Variants in SLC22A3 observed in about 807,000 individuals in gnomAD.
SLC22A3 encodes solute carrier family 22 member 3, also known as EMT organic cation transporter 3.
A neutral mutation model predicts 59.1 loss-of-function variants in SLC22A3; 51 were observed. That is an observed-to-expected ratio of 0.86 (90% confidence interval 0.69 to 1.09). The LOEUF (loss-of-function observed/expected upper bound fraction) is 1.09, where lower values mean the gene tolerates loss of function less well. Ranked by LOEUF, SLC22A3 falls within the 50% of genes least tolerant of loss-of-function variation. SLC22A3 has a pLI of 0.00. For missense variants in SLC22A3, 711 were observed against 726.3 expected, an observed-to-expected ratio of 0.98 and a Z score of 0.24; for synonymous variants, 325 against 292.0, an observed-to-expected ratio of 1.11 and a Z score of -1.15.
At chr6:160,350,246 A>G (rs1042456401) in intron 1 of SLC22A3, among the ~76,000 whole-genome samples, 4 of 151,832 alleles carry the variant, frequency 2.6e-5, no homozygotes, top group African/African-American at 9.7e-5. Context: ...GGCAATGTGT[A>G]TGTGTGTTCA....
chr6:160,363,899 C>G (rs1785111717), intron 1 of SLC22A3, among the ~76,000 whole-genome samples: 1 of 151,888 alleles, frequency 6.6e-6, no homozygotes, highest in Admixed American at 6.6e-5. Context: ...GGCTGACCAG[C>G]TGTCCCCACT....
intron 1 of SLC22A3, among the ~76,000 whole-genome samples, chr6:160,356,070 G>A (rs141122857): frequency 8.9e-4 from 135 of 152,328 alleles, no homozygotes; most frequent in East Asian, 1.7e-3. Flanking sequence ...TCCTTGGCAC[G>A]TGTAATGCTT....
At chr6:160,391,726 C>T (rs1356454619) in intron 1 of SLC22A3, among the ~76,000 whole-genome samples, 3 of 152,190 alleles carry the variant, frequency 2.0e-5, no homozygotes, top group Non-Finnish European at 4.4e-5. Context: ...CAAGCCTTCA[C>T]TACAAAGAAA....
At chr6:160,404,004 A>G (rs1171988602) in intron 2 of SLC22A3, among the ~76,000 whole-genome samples, 1 of 152,054 alleles carries the variant, frequency 6.6e-6, no homozygotes, top group Non-Finnish European at 1.5e-5. Flanking sequence ...CACTAAGATC[A>G]GAAACAAGCC....
intron 3 of SLC22A3, among the ~76,000 whole-genome samples, chr6:160,408,497 A>G (rs571607985): frequency 6.6e-6 from 1 of 152,340 alleles, no homozygotes; most frequent in South Asian, 2.1e-4. Flanking sequence ...TGTACCCAGA[A>G]GAGTGCTGGT....
At chr6:160,420,785 C>A (rs549058847) in intron 5 of SLC22A3, among the ~76,000 whole-genome samples, 2 of 152,202 alleles carry the variant, frequency 1.3e-5, no homozygotes, top group African/African-American at 2.4e-5. Context: ...CACTTGCAGG[C>A]GTCACAAGTC....
At chr6:160,382,905 C>T (rs1236339100) in intron 1 of SLC22A3, among the ~76,000 whole-genome samples, 1 of 152,080 alleles carries the variant, frequency 6.6e-6, no homozygotes, top group Non-Finnish European at 1.5e-5. Context: ...ATTGAAATAA[C>T]AAACTTGCTA....
intron 1 of SLC22A3, among the ~76,000 whole-genome samples, chr6:160,378,459 CTT>C (rs1290671006): frequency 6.6e-6 from 1 of 152,106 alleles, no homozygotes; most frequent in Non-Finnish European, 1.5e-5. Flanking sequence ...TTTTGAAAAT[CTT>C]TGGCAACTGT....
chr6:160,447,445 T>TAA (rs1788787291), intron 9 of SLC22A3, among the ~76,000 whole-genome samples: 1 of 152,112 alleles, frequency 6.6e-6, no homozygotes, highest in Non-Finnish European at 1.5e-5. Context: ...TGTTGGACCC[T>TAA]AAGAAGGAAC....
intron 5 of SLC22A3, among the ~76,000 whole-genome samples, chr6:160,430,658 AC>A (rs1185536788): frequency 6.6e-6 from 1 of 152,212 alleles, no homozygotes; most frequent in Admixed American, 6.5e-5. Flanking sequence ...ATACAAGGAA[AC>A]TAACCTCTGC....
At chr6:160,403,109 C>T (rs749484188) in intron 2 of SLC22A3, among the ~76,000 whole-genome samples, 21 of 148,126 alleles carry the variant, frequency 1.4e-4, no homozygotes, top group Admixed American at 1.3e-3. Flanking sequence ...TTATTTGAAA[C>T]GATCAAAAAA....
rs771153331 is a variant in SLC22A3 at position 160,415,092 on chromosome 6, G to C, written c.975+4246G>C. On this transcript the variant is annotated intron_variant, in intron 5 of 10. Transcript: ENST00000275300. This position sits in a 1 kb window ranked among gnomAD's most constrained non-coding sequence, Gnocchi z 4.1. ...TTTTTGAAACATATGTCTTCAAACC[G>C]AACCTACCCATCTTTAATCTTTTTA... 5.9e-5 allele frequency among the ~76,000 whole-genome samples: 9 copies of C among 152,150 alleles called. No individual in the cohort carries two copies. Among genetic ancestry groups the C allele is most frequent in the Non-Finnish European group, 4.4e-5 (3 of 68,032 alleles).
intron 5 of SLC22A3, among the ~76,000 whole-genome samples, chr6:160,419,154 A>G (rs539861661): frequency 5.9e-5 from 9 of 152,270 alleles, no homozygotes; most frequent in Admixed American, 3.9e-4. Context: ...CCTCATTAGA[A>G]AGTGTCTTAC....
At chr6:160,435,052 G>T (rs549896786) in intron 5 of SLC22A3, among the ~76,000 whole-genome samples, 1 of 152,260 alleles carries the variant, frequency 6.6e-6, no homozygotes, top group South Asian at 2.1e-4. Context: ...CAGAGACCTA[G>T]AACTTATACA....
At chr6:160,398,548 G>GA (rs1786620232) in intron 2 of SLC22A3, among the ~76,000 whole-genome samples, 1 of 151,958 alleles carries the variant, frequency 6.6e-6, no homozygotes, top group East Asian at 1.9e-4. Context: ...AAAACTCTGT[G>GA]AAAAAAATAT....
chr6:160,451,145 C>A lies in SLC22A3; in HGVS notation c.*89C>A. 2 of 1,183,954 alleles carry A rather than the reference C, an allele frequency of 1.7e-6. No homozygotes were observed. Among genetic ancestry groups the A allele is most frequent in the Non-Finnish European group, 2.5e-6 (2 of 810,170 alleles). The allele number at this position is 1,183,954 out of a possible 1,614,324, so 73.3% of individuals were successfully genotyped here. ...CTTGCAGAGATGCACGTGTGCATTT[C>A]AGCTACATCATGCCGCGCTGTTGTA... On this transcript the variant is annotated 3_prime_UTR_variant, in exon 11 of 11. Transcript: ENST00000275300.
intron 1 of SLC22A3, among the ~76,000 whole-genome samples, chr6:160,392,794 G>A (rs1786313371): frequency 6.6e-6 from 1 of 152,096 alleles, no homozygotes; most frequent in Non-Finnish European, 1.5e-5. Context: ...CTGTGTGGTT[G>A]ATTAAAAATG....
intron 5 of SLC22A3, chr6:160,425,948 G>C: frequency 4.1e-6 from 4 of 985,386 alleles, no homozygotes; most frequent in Non-Finnish European, 4.8e-6. Context: ...TGTGCTACTG[G>C]CTTATGGCTG....
chr6:160,421,474 C>G (rs1787734828), intron 5 of SLC22A3, among the ~76,000 whole-genome samples: 1 of 152,198 alleles, frequency 6.6e-6, no homozygotes, highest in Admixed American at 6.5e-5. Context: ...CCCCCTTTTC[C>G]TTCTCAAAGG....
Sources: gnomAD v4.1 joint callset for allele counts (sites outside exome capture counted in the v4.1 genomes callset) on GRCh38, gnomAD v4.1.1 for gene constraint, Gnocchi (gnomAD v3.1) non-coding constraint, MANE v1.5 for transcripts, NCBI Gene and HGNC (gene_info 2026-07-23, HGNC 2026-07-21) for gene names.